PEX6: variants seen among roughly 807,000 people sequenced by gnomAD.
PEX6 encodes the protein peroxisomal biogenesis factor 6.
Under a neutral mutation model 85.6 loss-of-function variants are expected in PEX6, and 55 were observed. The observed-to-expected ratio is 0.64, with a 90% CI of 0.52 to 0.80. The LOEUF (loss-of-function observed/expected upper bound fraction) is 0.80, where lower values mean the gene tolerates loss of function less well. Among genes scored for constraint, PEX6 ranks in the 30% least tolerant of loss-of-function variants. The probability of loss-of-function intolerance (pLI) is 0.00; values close to 1 mark genes in which losing one functional copy is unlikely to be tolerated. For synonymous variants in PEX6, 519 were observed against 549.1 expected, an observed-to-expected ratio of 0.95 and a Z score of 0.77; for missense variants, 1,099 against 1,260.3, an observed-to-expected ratio of 0.87 and a Z score of 1.94.
rs752388057 is a variant in PEX6, at chr6:42,975,037, C to T, written c.884G>A (p.Arg295Lys). The T allele has an allele frequency of 1.2e-6, 2 of 1,612,278 alleles. No homozygotes were observed. Among genetic ancestry groups the T allele is most frequent in the Non-Finnish European group, 1.7e-6 (2 of 1,179,454 alleles). Residue 295 changes from arginine (R) to lysine (K), a missense_variant and splice_region_variant, in exon 2 of 17, where the codon AGG (arginine) becomes AAG (lysine). Transcript: ENST00000304611. ...AGGGGCGATGGAGCCTTCCAAGTAC[C>T]TCTATTAGAGAAATAACCACCACGT... ...PLEMGELRIQRYLEGSIAPED... is the reference protein window; with the variant it reads ...PLEMGELRIQKYLEGSIAPED...
chr6:42,968,964 A>G lies in PEX6; in HGVS notation c.1389T>C (p.Thr463=). ...LQPGGALLTG[T]SSVLLRGPPG... ...GGGGGCCCCGTAGAAGGACACTGCT[A>G]GTTCCTGTCAGCAGGGCACCCCTGC... Residue 463 remains threonine, a synonymous_variant, in exon 6 of 17, where the codon ACT becomes ACC. Coordinates refer to ENST00000304611, the MANE Select transcript of PEX6 (RefSeq NM_000287.4). 1 of 1,613,570 alleles carries G rather than the reference A, an allele frequency of 6.2e-7. No individual in the cohort carries two copies. The highest frequency in any genetic ancestry group is 1.1e-5 in the South Asian group (1 of 91,074).
chr6:42,968,138 G>C, intron 7 of PEX6, 152 bp downstream of exon 7: 1 of 683,346 alleles, frequency 1.5e-6, no homozygotes, highest in Non-Finnish European at 2.7e-6. Flanking sequence ...GTAGAGACAG[G>C]GTTTCACCAT....
rs1445839993 is a variant in PEX6, at chr6:42,978,928, G to A, written c.223C>T (p.Leu75=). The A allele has an allele frequency of 1.3e-6, 2 of 1,488,748 alleles. No individual in the cohort carries two copies. The highest frequency in any genetic ancestry group is 8.9e-7 in the Non-Finnish European group (1 of 1,127,916). 92.2% of individuals were successfully genotyped at this position (1,488,748 alleles called of 1,614,324 possible). A position where few individuals can be genotyped will look rare whatever the true frequency, so the allele number is the denominator to read the frequency against. The part of the protein sequence containing the change: ...EEQGPGPPQL[L]VSRALLRLLA... Reference sequence around the variant, plus strand: ...AGCCGCAGCAGCGCGCGGCTAACCAGTAGCTGCGGCGGCCCGGGACCCTGC... The same window carrying A: ...AGCCGCAGCAGCGCGCGGCTAACCAATAGCTGCGGCGGCCCGGGACCCTGC... Residue 75 remains leucine (L), a synonymous_variant, in exon 1 of 17, where the codon CTG becomes TTG. Transcript: ENST00000304611.
rs767994882 is a variant in PEX6, at chr6:42,964,871, G to T, written c.2725C>A (p.Leu909Met). 1.2e-6 allele frequency: 2 copies of T among 1,614,184 alleles called. No individual in the cohort carries two copies. Among genetic ancestry groups the T allele is most frequent in the East Asian group, 4.5e-5 (2 of 44,876 alleles). The change falls in exon 16 of 17, where the codon CTG becomes ATG. Residue 909 changes from leucine to methionine, a missense_variant. Leu to Met is a conservative substitution (Grantham distance 15). This residue lies in a region of PEX6 where 514 missense variants were observed against 627.0 expected (regional missense o/e 0.82). Coordinates refer to ENST00000304611, the MANE Select transcript of PEX6 (RefSeq NM_000287.4). This position sits in a 1 kb window ranked among gnomAD's most constrained non-coding sequence, Gnocchi z 4.6. ...VNVLDCCPPQ[L>M]TGADLYSLCS... is the part of the protein sequence containing the mutation. ...AGAGAGTAGAGGTCCGCGCCCGTCA[G>T]CTGGGGAGGGCAGCAATCTAGCACG...
rs2150239454 is a variant in PEX6, at chr6:42,978,401, G to A, written c.750C>T (p.Asp250=). 6.2e-7 allele frequency: 1 copy of A among 1,614,166 alleles called. No individual in the cohort carries two copies. The highest frequency in any genetic ancestry group is 8.5e-7 in the Non-Finnish European group (1 of 1,180,024). ...ARVQVLEPRW[D]LSDRLGPGSG... is the part of the protein sequence containing the mutation. ...AGCCGGGTCCCAGTCTATCAGAGAG[G>A]TCCCAGCGAGGTTCTAGGACCTGCA... The change falls in exon 1 of 17, where the codon GAC becomes GAT. Residue 250 remains aspartate, a synonymous_variant. Transcript: ENST00000304611.
intron 7 of PEX6, 56 bp downstream of exon 7, chr6:42,968,234 G>A: frequency 2.7e-6 from 4 of 1,464,986 alleles, no homozygotes; most frequent in Non-Finnish European, 3.8e-6. Flanking sequence ...ATAAGTGTGA[G>A]CCACCGCGCC....
At chr6:42,968,560 C>A (rs926080843) in intron 6 of PEX6, 62 bp from the exon 7 acceptor site, 16 of 1,417,952 alleles carry the variant, frequency 1.1e-5, no homozygotes, top group Non-Finnish European at 1.6e-5. Flanking sequence ...GCAGGAGAAT[C>A]AGGGGAGGAG....
chr6:42,966,968 T>TG, intron 8 of PEX6, 110 bp from the exon 9 acceptor site: 2 of 83,112 alleles, frequency 2.4e-5, no homozygotes, highest in East Asian at 2.3e-4. Context: ...AGGTTTGTTG[T>TG]TTTTTTTTTT....
intron 3 of PEX6, among the ~76,000 whole-genome samples, chr6:42,970,533 T>C (rs755301575): frequency 6.6e-6 from 1 of 152,254 alleles, no homozygotes; most frequent in Non-Finnish European, 1.5e-5. Context: ...ATTATATGAT[T>C]CTATTCAGCA....
rs1769657854 is a variant in PEX6 at position 42,964,533 on chromosome 6, G to A, written c.2807-62C>T. 2 of 1,594,356 alleles carry A rather than the reference G, an allele frequency of 1.3e-6. No homozygotes were observed. ...CCAGGCAGGGGAGAGCCCTGCGAAG[G>A]TGGCTTCCTGCTCAGGGTCTCCTAG... is the stretch of plus-strand genomic sequence containing the variant. On this transcript the variant is annotated intron_variant, in intron 16 of 16. Transcript: ENST00000304611. The surrounding 1 kb of genome is among the most constrained non-coding windows in gnomAD (Gnocchi z 4.6).
intron 11 of PEX6, 39 bp downstream of exon 11, chr6:42,966,203 C>G (rs758580244): frequency 1.9e-6 from 3 of 1,610,558 alleles, no homozygotes; most frequent in Non-Finnish European, 2.5e-6. Context: ...TGCTGCAGCC[C>G]CTGATCCACC....
Position 42,974,909 on chromosome 6 carries a change from C to T in PEX6, c.1012G>A (p.Asp338Asn), listed in dbSNP as rs2150236006. 1.2e-6 allele frequency: 2 copies of T among 1,614,072 alleles called. No individual in the cohort carries two copies. The highest frequency in any genetic ancestry group is 2.2e-5 in the East Asian group (1 of 44,884). The change falls in exon 2 of 17, where the codon GAC (aspartate) becomes AAC (asparagine). Residue 338 changes from aspartate (D) to asparagine (N), a missense_variant. Asp to Asn is a conservative substitution (Grantham distance 23). This residue lies in a region of PEX6 where 579 missense variants were observed against 611.6 expected (regional missense o/e 0.95). Coordinates refer to ENST00000304611, the MANE Select transcript of PEX6 (RefSeq NM_000287.4). ...TGAAAGTGCCGGTAAAGAACACCGTCATAATTTCCATTAGTGCTGTAGTGG... is the reference window on the plus strand; with the variant it reads ...TGAAAGTGCCGGTAAAGAACACCGTTATAATTTCCATTAGTGCTGTAGTGG... Reference protein sequence around the residue: ...SPHYSTNGNYDGVLYRHFQIP... With the variant: ...SPHYSTNGNYNGVLYRHFQIP...
At position 42,966,370 on chromosome 6, in the gene PEX6, G is replaced by A. The variant is rs1463523319; in HGVS notation, c.2172C>T (p.Pro724=). Residue 724 remains proline, a synonymous_variant, in exon 11 of 17, where the codon CCC becomes CCT. Coordinates refer to ENST00000304611, the MANE Select transcript of PEX6 (RefSeq NM_000287.4). ...GGCTCAGTAGCTCAGGGTGCTCCAG[G>A]GGGAGCTGAATGGTCTCCAGGATCT... The part of the protein sequence containing the change: ...KKEILETIQL[P]LEHPELLSLG... 2 of 1,613,940 alleles carry A rather than the reference G, an allele frequency of 1.2e-6. No homozygotes were observed. Among genetic ancestry groups the A allele is most frequent in the Non-Finnish European group, 1.7e-6 (2 of 1,180,008 alleles).
rs778776598 is a variant in PEX6 at position 42,978,225 on chromosome 6, T to TATA, written c.882+41_882+43dup. Reference sequence around the variant, plus strand: ...AATTTACCTAAGACAGAGAAGAGGGTATAAGAAAGAGGAAGCACTCCTGAC... The same window carrying TATA: ...AATTTACCTAAGACAGAGAAGAGGGTATAATAAGAAAGAGGAAGCACTCCTGAC... On this transcript the variant is annotated intron_variant, in intron 1 of 16. Transcript: ENST00000304611. 1.5e-5 allele frequency: 24 copies of TATA among 1,597,132 alleles called. No individual in the cohort carries two copies. In the East Asian group the frequency reaches 4.9e-4, roughly 33 times the overall value.
In PEX6 at chr6:42,964,212, G is replaced by A. The variant is rs897090929; in HGVS notation, c.*123C>T. On this transcript the variant is annotated 3_prime_UTR_variant, in exon 17 of 17. Transcript: ENST00000304611. The surrounding 1 kb of genome is among the most constrained non-coding windows in gnomAD (Gnocchi z 4.6). ...ACTTTGCACCCTGGGATCTCCTGGA[G>A]GGAGGTGGCCTCCAGGTGGGTTGGC... 4 of 1,117,482 alleles carry A rather than the reference G, an allele frequency of 3.6e-6. No homozygotes were observed. The highest frequency in any genetic ancestry group is 2.3e-4 in the Middle Eastern group (1 of 4,410). The allele number at this position is 1,117,482 out of a possible 1,614,324, so 69.2% of individuals were successfully genotyped here. A position where few individuals can be genotyped will look rare whatever the true frequency, so the allele number is the denominator to read the frequency against.
chr6:42,971,052 T>C lies in PEX6; in HGVS notation c.1131-1065A>G, dbSNP rs1770043158. On this transcript the variant is annotated intron_variant, in intron 3 of 16. Coordinates refer to ENST00000304611, the MANE Select transcript of PEX6 (RefSeq NM_000287.4). This position sits in a 1 kb window ranked among gnomAD's most constrained non-coding sequence, Gnocchi z 4.4. ...GCAATGACAGAGTCAGGCTATAACCTAGTCCTCTTTAAGGTCCAATCAGGC... is the reference window on the plus strand; with the variant it reads ...GCAATGACAGAGTCAGGCTATAACCCAGTCCTCTTTAAGGTCCAATCAGGC... Among the ~76,000 whole-genome samples the C allele has an allele frequency of 6.6e-6, 1 of 152,188 alleles. No individual in the cohort carries two copies. Among genetic ancestry groups the C allele is most frequent in the South Asian group, 2.1e-4 (1 of 4,832 alleles).
rs550817550 is a variant in PEX6, at chr6:42,974,459, T to G, written c.1047-373A>C. Among the ~76,000 whole-genome samples the G allele has an allele frequency of 2.2e-3, 250 of 112,980 alleles. 2 individuals are homozygous for G. Among genetic ancestry groups the G allele is most frequent in the East Asian group, 0.017 (75 of 4,386 alleles). 74.1% of individuals were successfully genotyped at this position (112,980 alleles called of 152,430 possible). On this transcript the variant is annotated intron_variant, in intron 2 of 16. Transcript: ENST00000304611. ...TCTGAAATGTTTTTTTTGTTTTTTTTTTTTTTTTTTTTTTTTGAGACGGAG... is the reference window on the plus strand; with the variant it reads ...TCTGAAATGTTTTTTTTGTTTTTTTGTTTTTTTTTTTTTTTTGAGACGGAG...
chr6:42,977,598 G>T (rs1248201550), intron 1 of PEX6, among the ~76,000 whole-genome samples: 2 of 151,638 alleles, frequency 1.3e-5, no homozygotes, highest in East Asian at 3.9e-4. Flanking sequence ...GACCAATACG[G>T]TGAAACCCCG....
At chr6:42,973,847 G>A (rs949434449) in intron 3 of PEX6, among the ~76,000 whole-genome samples, 156 bp downstream of exon 3, 4 of 152,108 alleles carry the variant, frequency 2.6e-5, no homozygotes, top group African/African-American at 9.7e-5. Flanking sequence ...CTGGGTAACA[G>A]AGCAAGAACC....
Sources: gnomAD v4.1 joint callset for allele counts (sites outside exome capture counted in the v4.1 genomes callset) on GRCh38, gnomAD v4.1.1 for gene constraint, gnomAD v4.1.1 regional missense constraint, Gnocchi (gnomAD v3.1) non-coding constraint, MANE v1.5 for transcripts, NCBI Gene and HGNC (gene_info 2026-07-23, HGNC 2026-07-21) for gene names.